Variants in ZNF470 observed in about 807,000 individuals in gnomAD.
ZNF470 encodes zinc finger protein 470.
ZNF470 carries 13 observed loss-of-function variants against 13.9 expected under a neutral mutation model. The ratio of observed to expected loss-of-function variants is 0.94; its 90% CI spans 0.61 to 1.49. ZNF470 has a LOEUF of 1.49. Ranked by LOEUF, ZNF470 falls within the 40% of genes most tolerant of loss-of-function variation. The pLI, the probability that ZNF470 is intolerant of heterozygous loss-of-function variation, is 0.00. For synonymous variants in ZNF470, 293 were observed against 282.9 expected (o/e 1.04, Z -0.36); for missense variants, 929 against 857.3 (o/e 1.08, Z -1.04).
In ZNF470 at chr19:56,578,497, G is replaced by A. The variant is rs759584761; in HGVS notation, c.2068G>A (p.Val690Ile). 2 of 1,609,014 alleles carry A rather than the reference G, an allele frequency of 1.2e-6. No individual in the cohort carries two copies. Among genetic ancestry groups the A allele is most frequent in the South Asian group, 1.1e-5 (1 of 90,552 alleles). ...ATGTGGAAAAGCCTTCAGGCAGAGT[G>A]TACATCTTGCTCATCATCAGCGAAT... The part of the protein sequence containing the change: ...KECGKAFRQS[V>I]HLAHHQRIHT... The change falls in exon 6 of 6, where the codon GTA (valine) becomes ATA (isoleucine). Residue 690 changes from valine (V) to isoleucine (I), a missense_variant. Physicochemically the swap from Val to Ile is conservative, Grantham distance 29. Coordinates refer to ENST00000330619, the MANE Select transcript of ZNF470 (RefSeq NM_001001668.4).
In ZNF470 at chr19:56,577,311, C is replaced by T; in HGVS notation, c.882C>T (p.Ser294=). Residue 294 remains serine (S), a synonymous_variant, in exon 6 of 6, where the codon AGC becomes AGT. Transcript: ENST00000330619. ...GTACTGAATGTGGGAAAGCCTTCAG[C>T]CAGAATGCTCATCTTGTTCAACACC... ...FECTECGKAF[S]QNAHLVQHQR... 1 of 1,613,682 alleles carries T rather than the reference C, an allele frequency of 6.2e-7. No individual in the cohort carries two copies. The highest frequency in any genetic ancestry group is 2.2e-5 in the East Asian group (1 of 44,864).
chr19:56,573,653 AAAC>A, intron 3 of ZNF470, among the ~76,000 whole-genome samples: 1 of 152,322 alleles, frequency 6.6e-6, no homozygotes, highest in Non-Finnish European at 1.5e-5. Flanking sequence ...GATTATCAAA[AAAC>A]AACTTTTGGG....
In ZNF470 at chr19:56,576,967, G is replaced by A; in HGVS notation, c.538G>A (p.Val180Ile). ...AGATCACTCTAACAAATCTGGGACA[G>A]TTTTTCATCTGAATACATTATCTTA... is the stretch of plus-strand genomic sequence containing the variant. ...KRDHSNKSGT[V>I]FHLNTLSYIK... The change falls in exon 6 of 6, where the codon GTT becomes ATT. Residue 180 changes from valine (V) to isoleucine (I), a missense_variant. Transcript: ENST00000330619. 6.3e-7 allele frequency: 1 copy of A among 1,589,698 alleles called. No homozygotes were observed. Among genetic ancestry groups the A allele is most frequent in the Admixed American group, 1.9e-5 (1 of 52,676 alleles).
Position 56,577,467 on chromosome 19 carries a change from G to A in ZNF470, c.1038G>A (p.Gly346=), listed in dbSNP as rs767307148. ...AACCCTATGAATGTATTGAATGTGG[G>A]AAGGCTTTTAGTGATTGCTCATCCC... ...GEKPYECIEC[G]KAFSDCSSLA... Residue 346 remains glycine, a synonymous_variant, in exon 6 of 6, where the codon GGG becomes GGA. Transcript: ENST00000330619. 5 of 1,613,636 alleles carry A rather than the reference G, an allele frequency of 3.1e-6. No individual in the cohort carries two copies. In the South Asian group the frequency reaches 5.5e-5, roughly 18 times the overall value.
Position 56,577,907 on chromosome 19 carries a change from G to A in ZNF470, c.1478G>A (p.Ser493Asn). 1 of 1,613,842 alleles carries A rather than the reference G, an allele frequency of 6.2e-7. No homozygotes were observed. The highest frequency in any genetic ancestry group is 1.3e-5 in the African/African-American group (1 of 74,978). Residue 493 changes from serine to asparagine, a missense_variant, in exon 6 of 6, where the codon AGC becomes AAC. Coordinates refer to ENST00000330619, the MANE Select transcript of ZNF470 (RefSeq NM_001001668.4). The stretch of plus-strand genomic sequence containing the variant: ...GAATGTGGGAAAGCTTTCCGGCAGA[G>A]CACGCATCTGGCTCATCATCAGAGA... ...CKECGKAFRQ[S>N]THLAHHQRIH...
intron 5 of ZNF470, among the ~76,000 whole-genome samples, chr19:56,575,035 C>T (rs972008379): frequency 6.6e-6 from 1 of 152,278 alleles, no homozygotes; most frequent in Admixed American, 6.5e-5. Context: ...TTTAGACAAG[C>T]TGATGTTTAG....
At position 56,577,980 on chromosome 19, in the gene ZNF470, CT is replaced by C; in HGVS notation, c.1553del (p.Phe518SerfsTer91). 1 of 1,613,282 alleles carries C rather than the reference CT, an allele frequency of 6.2e-7. No individual in the cohort carries two copies. Among genetic ancestry groups the C allele is most frequent in the East Asian group, 2.2e-5 (1 of 44,870 alleles). On this transcript the variant is annotated frameshift_variant, in exon 6 of 6. Transcript: ENST00000330619. LOFTEE classifies it low-confidence loss of function (END_TRUNC). Reference protein sequence around the residue: ...PYECKECSKTFSQNAHLAQHQ... With the variant: ...PYECKECSKTXSQNAHLAQHQ... The stretch of plus-strand genomic sequence containing the variant: ...ATGAATGTAAGGAATGCAGCAAAAC[CT>C]TCAGCCAGAATGCACACCTCGCGCA...
chr19:56,567,543 C>T lies in ZNF470; in HGVS notation c.-654C>T. Reference sequence around the variant, plus strand: ...GAGGAGAAGGGAGGTCTGGGCGGGGCAGCGGCCGAGGCTGGACTGGGGCGC... The same window carrying T: ...GAGGAGAAGGGAGGTCTGGGCGGGGTAGCGGCCGAGGCTGGACTGGGGCGC... On this transcript the variant is annotated 5_prime_UTR_variant, in exon 1 of 6. Transcript: ENST00000330619. The T allele has an allele frequency of 7.1e-6, 7 of 986,402 alleles. No individual in the cohort carries two copies. The highest frequency in any genetic ancestry group is 8.4e-6 in the Non-Finnish European group (7 of 830,578). The allele number at this position is 986,402 out of a possible 1,614,324, so 61.1% of individuals were successfully genotyped here.
chr19:56,578,910 A>G lies in ZNF470; in HGVS notation c.*327A>G. On this transcript the variant is annotated 3_prime_UTR_variant, in exon 6 of 6. Coordinates refer to ENST00000330619, the MANE Select transcript of ZNF470 (RefSeq NM_001001668.4). ...GGTAAAGGTTTCCTTACAAACTATC[A>G]TATTAAGCAGCAAGTAAACCAAACA... 9.6e-7 allele frequency: 1 copy of G among 1,040,384 alleles called. No individual in the cohort carries two copies. Among genetic ancestry groups the G allele is most frequent in the Non-Finnish European group, 1.2e-6 (1 of 866,158 alleles). The allele number at this position is 1,040,384 out of a possible 1,614,324, so 64.4% of individuals were successfully genotyped here. A position where few individuals can be genotyped will look rare whatever the true frequency, so the allele number is the denominator to read the frequency against.
At position 56,581,125 on chromosome 19, in the gene ZNF470, T is replaced by C. The variant is rs537196230; in HGVS notation, c.*2542T>C. ...TGACACAAAGTGTTTGCAACAGATATAATAAAGGACTGTAATTCGTGATAT... is the reference window on the plus strand; with the variant it reads ...TGACACAAAGTGTTTGCAACAGATACAATAAAGGACTGTAATTCGTGATAT... On this transcript the variant is annotated 3_prime_UTR_variant, in exon 6 of 6. Transcript: ENST00000330619. 2.2e-6 allele frequency: 2 copies of C among 927,960 alleles called. No individual in the cohort carries two copies. Among genetic ancestry groups the C allele is most frequent in the Non-Finnish European group, 2.6e-6 (2 of 777,828 alleles). The allele number at this position is 927,960 out of a possible 1,614,324, so 57.5% of individuals were successfully genotyped here. A position where few individuals can be genotyped will look rare whatever the true frequency, so the allele number is the denominator to read the frequency against.
intron 3 of ZNF470, chr19:56,573,917 CTCTTAACAT>C: frequency 1.0e-6 from 1 of 979,102 alleles, no homozygotes; most frequent in South Asian, 4.7e-5. Context: ...TTAGGCATAC[CTCTTAACAT>C]CTCAAGAACA....
chr19:56,574,542 T>G, intron 4 of ZNF470, 22 bp downstream of exon 4: 1 of 1,613,246 alleles, frequency 6.2e-7, no homozygotes. Flanking sequence ...TTCCTCCTGT[T>G]GCCTCCCCAT....
chr19:56,579,029 A>G lies in ZNF470; in HGVS notation c.*446A>G, dbSNP rs1057336010. On this transcript the variant is annotated 3_prime_UTR_variant, in exon 6 of 6. Transcript: ENST00000330619. ...AACTCAGAATTGAAAGATTTATGGT[A>G]CACAAGGTAACATGGTGGCTTATCA... 1.6e-5 allele frequency: 16 copies of G among 982,692 alleles called. No individual in the cohort carries two copies. In the African/African-American group the frequency reaches 2.6e-4, roughly 16 times the overall value. 60.9% of individuals were successfully genotyped at this position (982,692 alleles called of 1,614,324 possible).
chr19:56,567,843 T>A lies in ZNF470; in HGVS notation c.-354T>A, dbSNP rs2044422391. 1.8e-5 allele frequency: 18 copies of A among 985,842 alleles called. No individual in the cohort carries two copies. Among genetic ancestry groups the A allele is most frequent in the Non-Finnish European group, 2.2e-5 (18 of 830,618 alleles). The allele number at this position is 985,842 out of a possible 1,614,324, so 61.1% of individuals were successfully genotyped here. ...AGCAGGAAACCCGGCCGGAGGAGGCTTACCCCGTTCTCCCCTGTATCGACT... is the reference window on the plus strand; with the variant it reads ...AGCAGGAAACCCGGCCGGAGGAGGCATACCCCGTTCTCCCCTGTATCGACT... On this transcript the variant is annotated 5_prime_UTR_variant, in exon 1 of 6. Coordinates refer to ENST00000330619, the MANE Select transcript of ZNF470 (RefSeq NM_001001668.4).
chr19:56,573,409 C>T (rs977908225), intron 3 of ZNF470, among the ~76,000 whole-genome samples: 10 of 152,206 alleles, frequency 6.6e-5, no homozygotes, highest in Non-Finnish European at 2.9e-5. Flanking sequence ...CTAGTCAGTA[C>T]TACAGACCAA....
At position 56,581,309 on chromosome 19, in the gene ZNF470, AGACT is replaced by A; in HGVS notation, c.*2731_*2734del. The A allele has an allele frequency of 1.2e-6, 1 of 804,068 alleles. No individual in the cohort carries two copies. The highest frequency in any genetic ancestry group is 1.5e-6 in the Non-Finnish European group (1 of 664,774). The allele number at this position is 804,068 out of a possible 1,614,324, so 49.8% of individuals were successfully genotyped here. A position where few individuals can be genotyped will look rare whatever the true frequency, so the allele number is the denominator to read the frequency against. ...AGTGATTATCTACTTTTTCCCCAAAAGACTGACTAATCGAGTGATAACATTCAGT... is the reference window on the plus strand; with the variant it reads ...AGTGATTATCTACTTTTTCCCCAAAAGACTAATCGAGTGATAACATTCAGT... On this transcript the variant is annotated 3_prime_UTR_variant, in exon 6 of 6. Coordinates refer to ENST00000330619, the MANE Select transcript of ZNF470 (RefSeq NM_001001668.4).
chr19:56,574,239 C>A, intron 3 of ZNF470, 155 bp from the exon 4 acceptor site: 1 of 1,220,528 alleles, frequency 8.2e-7, no homozygotes, highest in South Asian at 1.2e-5. Context: ...AAAAGTTGTC[C>A]AATAACTTAC....
At position 56,579,305 on chromosome 19, in the gene ZNF470, C is replaced by G; in HGVS notation, c.*722C>G. ...GGCGTGGTGGTGCACACCTGTAGTC[C>G]TAGCTACTCAGGAGGCTGAAGCAGG... is the stretch of plus-strand genomic sequence containing the variant. On this transcript the variant is annotated 3_prime_UTR_variant, in exon 6 of 6. Transcript: ENST00000330619. 9 of 584,654 alleles carry G rather than the reference C, an allele frequency of 1.5e-5. No individual in the cohort carries two copies. Among genetic ancestry groups the G allele is most frequent in the Non-Finnish European group, 1.9e-5 (9 of 467,410 alleles). 36.2% of individuals were successfully genotyped at this position (584,654 alleles called of 1,614,324 possible).
In ZNF470 at chr19:56,577,541, T is replaced by C. The variant is rs200493322; in HGVS notation, c.1112T>C (p.Ile371Thr). ...ACTGGGAAAAGACCTTATGAATGTA[T>C]TGACTGTGGGAAAGCTTTCAGGCAG... ...IHTGKRPYEC[I>T]DCGKAFRQNA... Residue 371 changes from isoleucine to threonine, a missense_variant, in exon 6 of 6, where the codon ATT becomes ACT. Physicochemically the swap from Ile to Thr is moderately conservative, Grantham distance 89 (BLOSUM62 -1). Transcript: ENST00000330619. The C allele has an allele frequency of 1.1e-5, 18 of 1,613,916 alleles. No homozygotes were observed. The highest frequency in any genetic ancestry group is 1.6e-4 in the Middle Eastern group (1 of 6,062).
Sources: gnomAD v4.1 joint callset for allele counts (sites outside exome capture counted in the v4.1 genomes callset) on GRCh38, gnomAD v4.1.1 for gene constraint, MANE v1.5 for transcripts, NCBI Gene and HGNC (gene_info 2026-07-23, HGNC 2026-07-21) for gene names.